GPD2: variants seen among roughly 807,000 people sequenced by gnomAD.
The protein encoded by GPD2 is glycerol-3-phosphate dehydrogenase, mitochondrial.
GPD2 carries 54 observed loss-of-function variants against 82.4 expected under a neutral mutation model. The ratio of observed to expected loss-of-function variants is 0.66; its 90% CI spans 0.53 to 0.82. The LOEUF (loss-of-function observed/expected upper bound fraction) is 0.82, where lower values mean the gene tolerates loss of function less well. Among genes scored for constraint, GPD2 ranks in the 40% least tolerant of loss-of-function variants. GPD2 has a pLI of 0.00. For missense variants in GPD2, 748 were observed against 896.2 expected (o/e 0.83, Z 2.11); for synonymous variants, 288 against 306.1 (o/e 0.94, Z 0.62).
chr2:156,549,508 C>T (rs1686671455), intron 6 of GPD2, 100 bp from the exon 7 acceptor site: 1 of 1,020,480 alleles, frequency 9.8e-7, no homozygotes, highest in Non-Finnish European at 1.6e-6. Flanking sequence ...TCCTGGGTGA[C>T]AGGGACAGAT....
chr2:156,552,373 C>T (rs372907076), intron 8 of GPD2, among the ~76,000 whole-genome samples: 1 of 152,102 alleles, frequency 6.6e-6, no homozygotes, highest in African/African-American at 2.4e-5. Flanking sequence ...GAAAATGTCC[C>T]ATATGTTTCT....
chr2:156,518,416 A>G (rs933313553), intron 6 of GPD2, among the ~76,000 whole-genome samples: 1 of 152,230 alleles, frequency 6.6e-6, no homozygotes, highest in Non-Finnish European at 1.5e-5. Context: ...GCTGACTTAT[A>G]CAATTAAATT....
the GPD2 span, among the ~76,000 whole-genome samples, chr2:156,401,189 C>G: frequency 2.0e-5 from 3 of 152,140 alleles, no homozygotes. Context: ...GCGTGGCAGG[C>G]GAGAATTCTA....
intron 6 of GPD2, among the ~76,000 whole-genome samples, chr2:156,545,073 T>C (rs1163236237): frequency 6.6e-6 from 1 of 152,240 alleles, no homozygotes; most frequent in Non-Finnish European, 1.5e-5. Flanking sequence ...CTTATGTGCA[T>C]GCATGTGAGT....
intron 16 of GPD2, among the ~76,000 whole-genome samples, chr2:156,580,436 A>G (rs1224737327): frequency 6.6e-6 from 1 of 152,234 alleles, no homozygotes; most frequent in African/African-American, 2.4e-5. Flanking sequence ...TGGATGCTAC[A>G]TATCGTTTCT....
At position 156,538,022 on chromosome 2, in the gene GPD2, ATGTGG is replaced by A. The variant is rs2105317179; in HGVS notation, c.662-11584_662-11580del. 1.3e-5 allele frequency among the ~76,000 whole-genome samples: 2 copies of A among 152,348 alleles called. 1 individual carries two copies. The highest frequency in any genetic ancestry group is 1.3e-4 in the Admixed American group (2 of 15,304). On this transcript the variant is annotated intron_variant, in intron 6 of 16. Transcript: ENST00000438166. The stretch of plus-strand genomic sequence containing the variant: ...TAGCATCTAGCATAGTGCTAGATGT[ATGTGG>A]TTGCAATTTGACATTATTTTATTGA...
intron 5 of GPD2, 136 bp from the exon 6 acceptor site, chr2:156,513,197 A>G (rs904485232): frequency 1.2e-5 from 9 of 748,892 alleles, no homozygotes; most frequent in Non-Finnish European, 1.9e-5. Flanking sequence ...AAACAGTTGC[A>G]TAAGTCTGTT....
At position 156,476,177 on chromosome 2, in the gene GPD2, T is replaced by G; in HGVS notation, c.72T>G (p.Leu24=). 1 of 1,606,538 alleles carries G rather than the reference T, an allele frequency of 6.2e-7. No homozygotes were observed. The highest frequency in any genetic ancestry group is 8.5e-7 in the Non-Finnish European group (1 of 1,173,112). ...GTGCTCTTGCAACTGTTTTAGGACTTTCTCAGTTTGCTCATTACAGAAGGA... is the reference window on the plus strand; with the variant it reads ...GTGCTCTTGCAACTGTTTTAGGACTGTCTCAGTTTGCTCATTACAGAAGGA... The part of the protein sequence containing the change: ...GGGALATVLG[L]SQFAHYRRKQ... The change falls in exon 2 of 17, where the codon CTT becomes CTG. Residue 24 remains leucine, a synonymous_variant. Coordinates refer to ENST00000438166, the MANE Select transcript of GPD2 (RefSeq NM_000408.5).
chr2:156,495,903 C>G (rs1183762905), intron 2 of GPD2, 141 bp from the exon 3 acceptor site: 31 of 657,944 alleles, frequency 4.7e-5, no homozygotes, highest in Non-Finnish European at 8.2e-5. Context: ...GGCAGTTGGT[C>G]CTATAACTCT....
intron 3 of GPD2, 107 bp from the exon 4 acceptor site, chr2:156,510,689 T>C: frequency 1.2e-6 from 1 of 864,370 alleles, no homozygotes; most frequent in Non-Finnish European, 2.0e-6. Context: ...TTATCCATGT[T>C]CAGAGTAATT....
intron 2 of GPD2, among the ~76,000 whole-genome samples, chr2:156,480,774 C>CT (rs373482615): frequency 0.023 from 3,208 of 136,522 alleles, 117 homozygotes; most frequent in African/African-American, 0.072. Flanking sequence ...ATCTCTCTCT[C>CT]TTTTTTTTTT....
chr2:156,440,107 T>C (rs1435056958), intron 1 of GPD2, among the ~76,000 whole-genome samples: 1 of 152,190 alleles, frequency 6.6e-6, no homozygotes, highest in African/African-American at 2.4e-5. Context: ...AATAATTCCA[T>C]CATGTCTTAA....
chr2:156,418,190 A>G, the GPD2 span, among the ~76,000 whole-genome samples: 2 of 151,730 alleles, frequency 1.3e-5, no homozygotes, highest in African/African-American at 4.8e-5. Context: ...ACTCTAGCCT[A>G]AGTGACAGAG....
At chr2:156,577,942 AC>A (rs1223618108) in intron 13 of GPD2, among the ~76,000 whole-genome samples, 2 of 152,188 alleles carry the variant, frequency 1.3e-5, no homozygotes, top group Non-Finnish European at 1.5e-5. Flanking sequence ...CATATATCAT[AC>A]CTATTCATGT....
chr2:156,416,020 C>CAA, the GPD2 span, among the ~76,000 whole-genome samples: 10 of 44,370 alleles, frequency 2.3e-4, no homozygotes, highest in African/African-American at 5.6e-4. Context: ...GACTCCGTCT[C>CAA]AAAAAAAAAA....
At chr2:156,458,160 A>G (rs1286979392) in intron 1 of GPD2, among the ~76,000 whole-genome samples, 1 of 152,164 alleles carries the variant, frequency 6.6e-6, no homozygotes, top group Non-Finnish European at 1.5e-5. Context: ...GCACTAAATT[A>G]TCACAGGGTG....
At chr2:156,514,451 T>C (rs1202749313) in intron 6 of GPD2, among the ~76,000 whole-genome samples, 7 of 151,910 alleles carry the variant, frequency 4.6e-5, no homozygotes, top group Non-Finnish European at 1.5e-5. Context: ...TAGTATTAGA[T>C]ATCTAAACTC....
At chr2:156,548,835 C>T (rs1044724641) in intron 6 of GPD2, among the ~76,000 whole-genome samples, 1 of 152,058 alleles carries the variant, frequency 6.6e-6, no homozygotes, top group Non-Finnish European at 1.5e-5. Flanking sequence ...TAGAGTAATT[C>T]TTCCTGGTCA....
At chr2:156,515,594 A>G (rs533189843) in intron 6 of GPD2, among the ~76,000 whole-genome samples, 1 of 152,318 alleles carries the variant, frequency 6.6e-6, no homozygotes, top group Admixed American at 6.5e-5. Flanking sequence ...ATGAGGAAAA[A>G]GAATTCTTTA....
Sources: gnomAD v4.1 joint callset for allele counts (sites outside exome capture counted in the v4.1 genomes callset) on GRCh38, gnomAD v4.1.1 for gene constraint, MANE v1.5 for transcripts, NCBI Gene and HGNC (gene_info 2026-07-23, HGNC 2026-07-21) for gene names.